Variants in UVSSA observed in about 807,000 individuals in gnomAD.
UVSSA encodes the protein UV-stimulated scaffold protein A.
In UVSSA, 72 loss-of-function variants were observed where a neutral mutation model predicts 73.9. That is an observed-to-expected ratio of 0.97 (90% CI 0.81 to 1.19). The LOEUF is 1.19. UVSSA is among the 50% of genes most tolerant of loss of function. The pLI is 0.00. For synonymous variants in UVSSA, 454 were observed against 391.3 expected, an observed-to-expected ratio of 1.16 and a Z score of -1.89; for missense variants, 1,150 against 965.0, an observed-to-expected ratio of 1.19 and a Z score of -2.54.
chr4:1,349,644 C>A lies in UVSSA; in HGVS notation c.219C>A (p.His73Gln), dbSNP rs751182595. ...QIVEELFVRS[H>Q]QFRMLVVSNF... ...TGGAGGAACTCTTCGTCAGGTCTCA[C>A]CAGTTCCGGATGCTGGTTGTTTCCA... The change falls in exon 3 of 14, where the codon CAC becomes CAA. Residue 73 changes from histidine to glutamine, a missense_variant. By Grantham distance (24) the His-to-Gln change is conservative (BLOSUM62 0). Coordinates refer to ENST00000389851, the MANE Select transcript of UVSSA (RefSeq NM_020894.4). 1.2e-6 allele frequency: 2 copies of A among 1,614,084 alleles called. No homozygotes were observed.
chr4:1,371,097 A>G (rs573070254), intron 8 of UVSSA, among the ~76,000 whole-genome samples: 2 of 152,290 alleles, frequency 1.3e-5, no homozygotes, highest in Middle Eastern at 6.8e-3. Context: ...GTCCTCAGAA[A>G]GCCTGTGGTG....
upstream of UVSSA, among the ~76,000 whole-genome samples, chr4:1,345,944 G>A (rs940007809): frequency 1.3e-5 from 2 of 152,088 alleles, no homozygotes; most frequent in Admixed American, 6.5e-5. Context: ...GCCACAGGCC[G>A]GGGATTGGAT....
intron 8 of UVSSA, among the ~76,000 whole-genome samples, chr4:1,373,701 C>T (rs1718408921): frequency 6.6e-6 from 1 of 152,160 alleles, no homozygotes; most frequent in Admixed American, 6.5e-5. Flanking sequence ...CCAATTATGT[C>T]TCTCCTCCTG....
intron 2 of UVSSA, among the ~76,000 whole-genome samples, chr4:1,348,646 T>G (rs1232720245): frequency 1.3e-5 from 2 of 152,190 alleles, no homozygotes; most frequent in African/African-American, 4.8e-5. Context: ...AGCCAGAGAT[T>G]CATGGGGGAA....
intron 10 of UVSSA, among the ~76,000 whole-genome samples, chr4:1,379,175 A>G (rs917809153): frequency 2.6e-5 from 4 of 152,198 alleles, no homozygotes; most frequent in African/African-American, 9.6e-5. Flanking sequence ...TCAGCAGGCA[A>G]TGAGCAGCCT....
intron 7 of UVSSA, among the ~76,000 whole-genome samples, chr4:1,363,592 G>A (rs1716937139): frequency 6.6e-6 from 1 of 152,214 alleles, no homozygotes; most frequent in Admixed American, 6.5e-5. Context: ...ATAACGCGCT[G>A]CACTGGCTGA....
chr4:1,352,888 T>G (rs1577290762), intron 4 of UVSSA, 142 bp from the exon 5 acceptor site: 2 of 1,158,958 alleles, frequency 1.7e-6, no homozygotes, highest in Non-Finnish European at 2.4e-6. Context: ...GAGGCTGGGG[T>G]GAGCTGTGAT....
At chr4:1,378,149 A>T (rs1044450888) in intron 10 of UVSSA, among the ~76,000 whole-genome samples, 1 of 152,148 alleles carries the variant, frequency 6.6e-6, no homozygotes, top group African/African-American at 2.4e-5. Flanking sequence ...GGTCAAGATG[A>T]TGCGGGTCCG....
intron 1 of UVSSA, 24 bp downstream of exon 1, chr4:1,347,784 TC>T (rs1713937978): frequency 6.5e-6 from 2 of 308,382 alleles, no homozygotes; most frequent in Non-Finnish European, 1.2e-5. Context: ...ACAGCAACAG[TC>T]ACGTTGGGGA....
At position 1,383,915 on chromosome 4, in the gene UVSSA, C is replaced by G. The variant is rs372587885; in HGVS notation, c.2011C>G (p.Arg671Gly). Residue 671 changes from arginine to glycine, a missense_variant, in exon 13 of 14, where the codon CGC becomes GGC. By Grantham distance (125) the Arg-to-Gly change is moderately radical. Transcript: ENST00000389851. ...LKAQADTARA[R>G]IGRKVFAKAA... Reference sequence around the variant, plus strand: ...GGCTCAGGCTGATACCGCCCGCGCTCGCATTGGGAGAAAAGTCTTCGCCAA... The same window carrying G: ...GGCTCAGGCTGATACCGCCCGCGCTGGCATTGGGAGAAAAGTCTTCGCCAA... 6.2e-7 allele frequency: 1 copy of G among 1,612,822 alleles called. No homozygotes were observed. Among genetic ancestry groups the G allele is most frequent in the Non-Finnish European group, 8.5e-7 (1 of 1,179,802 alleles).
chr4:1,380,585 C>A lies in UVSSA; in HGVS notation c.1753-295C>A, dbSNP rs1230114851. 5 of 1,409,516 alleles carry A rather than the reference C, an allele frequency of 3.5e-6. No homozygotes were observed. In the African/African-American group the frequency reaches 5.7e-5, roughly 16 times the overall value. 87.3% of individuals were successfully genotyped at this position (1,409,516 alleles called of 1,614,324 possible). On this transcript the variant is annotated intron_variant, in intron 11 of 13. Coordinates refer to ENST00000389851, the MANE Select transcript of UVSSA (RefSeq NM_020894.4). ...GGGGCCAGGGCAGCTCCCAGCCGGG[C>A]AGCTGGGCATGGTGCAGGGGGGTCG...
Position 1,386,093 on chromosome 4 carries a change from G to A in UVSSA, c.*132G>A. The A allele has an allele frequency of 1.0e-6, 1 of 961,892 alleles. No individual in the cohort carries two copies. Among genetic ancestry groups the A allele is most frequent in the Middle Eastern group, 2.2e-4 (1 of 4,480 alleles). The allele number at this position is 961,892 out of a possible 1,614,324, so 59.6% of individuals were successfully genotyped here. On this transcript the variant is annotated 3_prime_UTR_variant, in exon 14 of 14. Transcript: ENST00000389851. ...TGTGTTTGATGTAAAGAAATGGTGT[G>A]TTGCAATGCCCTGAAGGTACGGCCG...
chr4:1,353,528 G>C, intron 5 of UVSSA, 115 bp downstream of exon 5: 1 of 1,357,910 alleles, frequency 7.4e-7, no homozygotes, highest in Non-Finnish European at 9.7e-7. Flanking sequence ...CCCCTGGGGA[G>C]CTAGGTCAGG....
intron 7 of UVSSA, 136 bp from the exon 8 acceptor site, chr4:1,366,184 A>G (rs180823141): frequency 7.2e-6 from 5 of 698,194 alleles, no homozygotes; most frequent in African/African-American, 3.6e-5. Context: ...ATGCAGTCCA[A>G]CCGTGGCTGA....
In UVSSA at chr4:1,395,209, C is replaced by T. The variant is rs771796764; in HGVS notation, c.*9248C>T. 1.2e-5 allele frequency: 18 copies of T among 1,447,034 alleles called. 1 individual carries two copies. The highest frequency in any genetic ancestry group is 7.7e-5 in the South Asian group (6 of 78,166). The allele number at this position is 1,447,034 out of a possible 1,614,324, so 89.6% of individuals were successfully genotyped here. A position where few individuals can be genotyped will look rare whatever the true frequency, so the allele number is the denominator to read the frequency against. On this transcript the variant is annotated 3_prime_UTR_variant, in exon 14 of 14. Coordinates refer to the UVSSA transcript ENST00000511216. ...GATGCGGAGTGCCCGCCTGCTCACA[C>T]GTGCCGATGCGGAGTGCCCGCCTGC...
chr4:1,363,666 T>A (rs1171538253), intron 7 of UVSSA, among the ~76,000 whole-genome samples: 2 of 152,324 alleles, frequency 1.3e-5, no homozygotes, highest in East Asian at 3.9e-4. Context: ...GCAGATTCTG[T>A]ACAGAAATAA....
chr4:1,351,687 C>G, intron 3 of UVSSA, 28 bp from the exon 4 acceptor site: 3 of 1,610,244 alleles, frequency 1.9e-6, no homozygotes, highest in Middle Eastern at 1.7e-4. Flanking sequence ...CCGCGCCTGT[C>G]CCCTAGTCTT....
chr4:1,358,268 C>T (rs1364205498), intron 7 of UVSSA, among the ~76,000 whole-genome samples: 7 of 152,236 alleles, frequency 4.6e-5, no homozygotes, highest in South Asian at 2.1e-4. Flanking sequence ...GAGGGCCCCT[C>T]GTCCCCTTCG....
chr4:1,380,080 C>T lies in UVSSA; in HGVS notation c.1602C>T (p.Ser534=), dbSNP rs756594755. The change falls in exon 11 of 14, where the codon AGC becomes AGT. Residue 534 remains serine, a synonymous_variant. Coordinates refer to ENST00000389851, the MANE Select transcript of UVSSA (RefSeq NM_020894.4). ...CCCAGCACCGCTTCTGGAAGCCCAG[C>T]GAGGTGGAGGAGGAAGTGGTCAATG... ...SDSQHRFWKP[S]EVEEEVVNAD... is the part of the protein sequence containing the mutation. The T allele has an allele frequency of 3.9e-5, 63 of 1,611,112 alleles. No individual in the cohort carries two copies. The highest frequency in any genetic ancestry group is 3.5e-4 in the South Asian group (32 of 90,612).
Sources: gnomAD v4.1 joint callset for allele counts (sites outside exome capture counted in the v4.1 genomes callset) on GRCh38, gnomAD v4.1.1 for gene constraint, MANE v1.5 for transcripts, NCBI Gene and HGNC (gene_info 2026-07-23, HGNC 2026-07-21) for gene names.